KCNT2: variants seen among roughly 807,000 people sequenced by gnomAD.
KCNT2 encodes potassium channel subfamily T member 2.
Under a neutral mutation model 153.8 loss-of-function variants are expected in KCNT2, and 67 were observed. That is an observed-to-expected ratio of 0.44 (90% CI 0.36 to 0.53). The LOEUF is 0.53. Ranked by LOEUF, KCNT2 falls within the 20% of genes least tolerant of loss-of-function variation. The pLI is 0.00. For synonymous variants in KCNT2, 500 were observed against 458.8 expected, an observed-to-expected ratio of 1.09 and a Z score of -1.15; for missense variants, 975 against 1,354.8, an observed-to-expected ratio of 0.72 and a Z score of 4.40.
rs1182285865 is a variant in KCNT2, at chr1:196,461,662, C to T, written c.638+3631G>A. 5.3e-5 allele frequency among the ~76,000 whole-genome samples: 8 copies of T among 151,668 alleles called. No homozygotes were observed. In the East Asian group the frequency reaches 5.8e-4, roughly 11 times the overall value. ...AGTTTACTCTGCTTTGTTTTAGAGA[C>T]GCAGAATGAATCACAATTCCCAGCT... On this transcript the variant is annotated intron_variant, in intron 8 of 27. Coordinates refer to ENST00000294725, the MANE Select transcript of KCNT2 (RefSeq NM_198503.5).
intron 3 of KCNT2, among the ~76,000 whole-genome samples, chr1:196,483,557 A>C (rs1399737134): frequency 6.6e-6 from 1 of 152,154 alleles, no homozygotes; most frequent in Admixed American, 6.5e-5. Flanking sequence ...AGACTTATTC[A>C]AGTGGACTCA....
chr1:196,320,713 GAA>G (rs769007349), intron 19 of KCNT2, among the ~76,000 whole-genome samples: 15 of 134,238 alleles, frequency 1.1e-4, no homozygotes, highest in African/African-American at 3.7e-4. Context: ...AACATTTAAA[GAA>G]AAAAAAAAAA....
rs557815038 is a variant in KCNT2 at position 196,396,835 on chromosome 1, A to AT, written c.1294+1727dup. 4.2e-4 allele frequency among the ~76,000 whole-genome samples: 63 copies of AT among 150,146 alleles called. No individual in the cohort carries two copies. The South Asian group carries it at 9.9e-3, about 24-fold the overall frequency. On this transcript the variant is annotated intron_variant, in intron 13 of 27. Transcript: ENST00000294725. ...AAATAGATTAATACAAATAGTCCGT[A>AT]TTTTTTTTTAGCAGTAGACTTTTTC...
chr1:196,549,022 G>A (rs1572794592), intron 1 of KCNT2, among the ~76,000 whole-genome samples: 1 of 151,580 alleles, frequency 6.6e-6, no homozygotes, highest in African/African-American at 2.4e-5. Flanking sequence ...GGGGAGGGAG[G>A]AGGGATAGCA....
chr1:196,326,703 T>G lies in KCNT2; in HGVS notation c.2276+14A>C, dbSNP rs1485055672. On this transcript the variant is annotated intron_variant, in intron 19 of 27. Coordinates refer to ENST00000294725, the MANE Select transcript of KCNT2 (RefSeq NM_198503.5). The stretch of plus-strand genomic sequence containing the variant: ...AACAGTTTATCTTGTTTGTGTATCT[T>G]AAAATATACTTACGGGTTATCCAAT... 7 of 1,452,344 alleles carry G rather than the reference T, an allele frequency of 4.8e-6. No individual in the cohort carries two copies. In the Admixed American group the frequency reaches 1.6e-4, roughly 33 times the overall value. 90.0% of individuals were successfully genotyped at this position (1,452,344 alleles called of 1,614,324 possible).
chr1:196,272,102 G>A (rs929505767), intron 25 of KCNT2, among the ~76,000 whole-genome samples: 1 of 151,942 alleles, frequency 6.6e-6, no homozygotes, highest in Non-Finnish European at 1.5e-5. Context: ...GGCACAGCTA[G>A]TAAAAGGAGA....
chr1:196,501,412 A>T (rs1226718222), intron 1 of KCNT2, among the ~76,000 whole-genome samples: 1 of 152,202 alleles, frequency 6.6e-6, no homozygotes, highest in East Asian at 1.9e-4. Flanking sequence ...GTATAAAAAA[A>T]GAAAAATAAT....
Position 196,595,017 on chromosome 1 carries a change from G to C in KCNT2, c.95+13198C>G, listed in dbSNP as rs151036102. ...AAGAAGACTATGATGAAAATGCATAGGTTGACTGAGGCTCGAGTTAAGCAT... is the reference window on the plus strand; with the variant it reads ...AAGAAGACTATGATGAAAATGCATACGTTGACTGAGGCTCGAGTTAAGCAT... On this transcript the variant is annotated intron_variant, in intron 1 of 27. Transcript: ENST00000294725. Among the ~76,000 whole-genome samples, 458 of 152,168 alleles carry C rather than the reference G, an allele frequency of 3.0e-3. 2 individuals are homozygous for C. The highest frequency in any genetic ancestry group is 6.8e-3 in the Middle Eastern group (2 of 294).
At chr1:196,564,307 G>T (rs938601743) in intron 1 of KCNT2, among the ~76,000 whole-genome samples, 4 of 151,770 alleles carry the variant, frequency 2.6e-5, no homozygotes, top group South Asian at 2.1e-4. Context: ...GGAAGTAAAA[G>T]ACCTGTATCT....
chr1:196,421,045 G>T (rs367837444), intron 12 of KCNT2, among the ~76,000 whole-genome samples: 5 of 152,072 alleles, frequency 3.3e-5, no homozygotes, highest in African/African-American at 9.6e-5. Context: ...GTTGAGGTTC[G>T]GTTGCAAAAC....
chr1:196,571,810 G>A (rs770990287), intron 1 of KCNT2, among the ~76,000 whole-genome samples: 1 of 152,078 alleles, frequency 6.6e-6, no homozygotes, highest in Non-Finnish European at 1.5e-5. Flanking sequence ...TGTGTTCATG[G>A]AGAAGTGATG....
At chr1:196,342,448 GTA>G (rs72201546) in intron 14 of KCNT2, among the ~76,000 whole-genome samples, 16 of 100,182 alleles carry the variant, frequency 1.6e-4, no homozygotes, top group East Asian at 2.6e-4. Flanking sequence ...ATATATATAT[GTA>G]TATATATATA....
chr1:196,553,932 G>C lies in KCNT2; in HGVS notation c.95+54283C>G, dbSNP rs565666805. Among the ~76,000 whole-genome samples, 5 of 151,292 alleles carry C rather than the reference G, an allele frequency of 3.3e-5. No homozygotes were observed. The East Asian group carries it at 9.7e-4, about 29-fold the overall frequency. ...AATTGAAAAATTTCTTGAAACAAAT[G>C]ATAATGGAAGAACAACATACCAAAA... On this transcript the variant is annotated intron_variant, in intron 1 of 27. Transcript: ENST00000294725.
chr1:196,436,257 T>C (rs1321304806), intron 8 of KCNT2, among the ~76,000 whole-genome samples: 1 of 151,602 alleles, frequency 6.6e-6, no homozygotes, highest in Non-Finnish European at 1.5e-5. Flanking sequence ...ATAATAAATA[T>C]AAAGACTTAT....
chr1:196,263,048 T>C (rs1485695417), intron 25 of KCNT2, among the ~76,000 whole-genome samples: 3 of 152,176 alleles, frequency 2.0e-5, no homozygotes, highest in African/African-American at 7.2e-5. Context: ...ATAACATTTT[T>C]AAAGCCAATA....
At chr1:196,543,666 G>A (rs1337015328) in intron 1 of KCNT2, among the ~76,000 whole-genome samples, 1 of 152,028 alleles carries the variant, frequency 6.6e-6, no homozygotes, top group Non-Finnish European at 1.5e-5. Flanking sequence ...AATGAATAAG[G>A]TATGTAATAT....
chr1:196,257,070 A>G (rs1340984400), intron 26 of KCNT2: 5 of 170,792 alleles, frequency 2.9e-5, no homozygotes, highest in African/African-American at 9.6e-5. Context: ...AGTCCTGACT[A>G]CAACACATTT....
chr1:196,323,154 T>A (rs1455950960), intron 19 of KCNT2, among the ~76,000 whole-genome samples: 3 of 151,952 alleles, frequency 2.0e-5, no homozygotes, highest in Non-Finnish European at 4.4e-5. Flanking sequence ...TCTGAATAAG[T>A]CTAAAGTTTG....
intron 1 of KCNT2, among the ~76,000 whole-genome samples, chr1:196,599,215 C>G (rs1664434012): frequency 6.6e-6 from 1 of 152,204 alleles, no homozygotes; most frequent in South Asian, 2.1e-4. Context: ...CATCTGGACC[C>G]TGTTGTTAAC....
Sources: allele counts gnomAD v4.1 joint callset (sites outside exome capture counted in the v4.1 genomes callset), GRCh38; gene constraint gnomAD v4.1.1; transcripts MANE v1.5; gene names NCBI Gene and HGNC (gene_info 2026-07-23, HGNC 2026-07-21).